Variants in TSPEAR observed in about 807,000 individuals in gnomAD.
TSPEAR encodes thrombospondin type laminin G domain and EAR repeats, also known as thrombospondin-type laminin G domain and EAR repeat-containing protein.
A neutral mutation model predicts 71.6 loss-of-function variants in TSPEAR; 69 were observed. That is an observed-to-expected ratio of 0.96 (90% confidence interval 0.79 to 1.18). TSPEAR has a LOEUF of 1.18. Ranked by LOEUF, TSPEAR falls within the 50% of genes most tolerant of loss-of-function variation. The pLI is 0.00. For synonymous variants in TSPEAR, 402 were observed against 387.2 expected (o/e 1.04, Z -0.45); for missense variants, 971 against 894.9 (o/e 1.09, Z -1.09).
At chr21:44,533,949 A>C in intron 2 of TSPEAR, 26 bp from the exon 3 acceptor site, 17 of 1,477,618 alleles carry the variant, frequency 1.2e-5, no homozygotes, top group Non-Finnish European at 1.5e-5. Context: ...CAGGCTCAGG[A>C]CGGGGCTGGG....
At chr21:44,526,644 T>G (rs1489350358) in intron 7 of TSPEAR, among the ~76,000 whole-genome samples, 1 of 152,250 alleles carries the variant, frequency 6.6e-6, no homozygotes, top group Non-Finnish European at 1.5e-5. Context: ...TGGGCCTCCT[T>G]GGCACATTGT....
rs1242941448 is a variant in TSPEAR at position 44,695,474 on chromosome 21, A to G, written c.82+15959T>C. Among the ~76,000 whole-genome samples the G allele has an allele frequency of 6.6e-6, 1 of 152,076 alleles. No homozygotes were observed. The highest frequency in any genetic ancestry group is 2.4e-5 in the African/African-American group (1 of 41,410). Reference sequence around the variant, plus strand: ...CCCTCCCTTGGGCCTCTCCCTGGCCATGCCCCAACCTGGCTCACACTCCCT... The same window carrying G: ...CCCTCCCTTGGGCCTCTCCCTGGCCGTGCCCCAACCTGGCTCACACTCCCT... On this transcript the variant is annotated intron_variant, in intron 1 of 11. Coordinates refer to ENST00000323084, the MANE Select transcript of TSPEAR (RefSeq NM_144991.3). This position sits in a 1 kb window ranked among gnomAD's most constrained non-coding sequence, Gnocchi z 4.5.
intron 9 of TSPEAR, chr21:44,518,345 G>T (rs1279370736): frequency 6.5e-6 from 3 of 461,406 alleles, no homozygotes; most frequent in Admixed American, 5.1e-5. Flanking sequence ...ACGCTCTGGG[G>T]CACTGGGGCA....
In TSPEAR at chr21:44,662,435, G is replaced by T. The variant is rs141482711; in HGVS notation, c.82+48998C>A. Among the ~76,000 whole-genome samples the T allele has an allele frequency of 2.6e-5, 4 of 152,246 alleles. No homozygotes were observed. In the East Asian group the frequency reaches 7.7e-4, roughly 29 times the overall value. ...TAAAGCATCAATTCACCATGGACAC[G>T]TAACAATTCTAAATGTGTAAGCACC... On this transcript the variant is annotated intron_variant, in intron 1 of 11. Coordinates refer to ENST00000323084, the MANE Select transcript of TSPEAR (RefSeq NM_144991.3).
Position 44,533,670 on chromosome 21 carries a change from C to A in TSPEAR, c.542+15G>T. 6.3e-7 allele frequency: 1 copy of A among 1,592,480 alleles called. No individual in the cohort carries two copies. The highest frequency in any genetic ancestry group is 1.1e-5 in the South Asian group (1 of 90,382). ...CTGAGGACTGCAGGTGCACCCTCCCCGGGTGGGTACCTACATGTCCACCGG... is the reference window on the plus strand; with the variant it reads ...CTGAGGACTGCAGGTGCACCCTCCCAGGGTGGGTACCTACATGTCCACCGG... On this transcript the variant is annotated intron_variant, in intron 3 of 11. Transcript: ENST00000323084.
At chr21:44,540,148 C>A (rs1555917053) in intron 2 of TSPEAR, 2 of 1,612,662 alleles carry the variant, frequency 1.2e-6, no homozygotes, top group Non-Finnish European at 1.7e-6. Flanking sequence ...TGGACGCGGC[C>A]ATGCTGGGGT....
chr21:44,602,711 C>T (rs1986717159), intron 1 of TSPEAR, among the ~76,000 whole-genome samples: 1 of 152,234 alleles, frequency 6.6e-6, no homozygotes, highest in Admixed American at 6.5e-5. Context: ...CATCACCGGG[C>T]AGGGCATCCC....
intron 1 of TSPEAR, among the ~76,000 whole-genome samples, chr21:44,599,134 T>TCTCTCTCTCTCTCTCTC (rs1980573681): frequency 3.4e-4 from 31 of 92,280 alleles, no homozygotes; most frequent in African/African-American, 7.9e-4. Context: ...GGCCCCCATT[T>TCTCTCTCTCTCTCTCTC]TCTCTCTCTC....
In TSPEAR at chr21:44,666,260, G is replaced by A. The variant is rs1414214180; in HGVS notation, c.82+45173C>T. ...GACTCTGGGACCCCAGACTTCCCTG[G>A]GGGGATGGGCAAGGTCAGCAAGGGC... On this transcript the variant is annotated intron_variant, in intron 1 of 11. Transcript: ENST00000323084. The A allele has an allele frequency of 4.1e-6, 3 of 724,638 alleles. No homozygotes were observed. The African/African-American group carries it at 5.3e-5, about 13-fold the overall frequency. The allele number at this position is 724,638 out of a possible 1,614,324, so 44.9% of individuals were successfully genotyped here.
chr21:44,545,417 C>T (rs140405697), intron 2 of TSPEAR, among the ~76,000 whole-genome samples: 134 of 152,118 alleles, frequency 8.8e-4, no homozygotes, highest in Admixed American at 4.8e-3. Context: ...ACAGGTCTAA[C>T]GTAGATGCAG....
intron 1 of TSPEAR, chr21:44,697,101 C>T: frequency 6.4e-7 from 1 of 1,551,886 alleles, no homozygotes; most frequent in Non-Finnish European, 8.7e-7. Flanking sequence ...CCATCCAGCA[C>T]CCAGACACTC....
At chr21:44,653,708 A>G (rs911165798) in intron 1 of TSPEAR, among the ~76,000 whole-genome samples, 1 of 152,202 alleles carries the variant, frequency 6.6e-6, no homozygotes, top group Non-Finnish European at 1.5e-5. Flanking sequence ...TTTGTCCTCA[A>G]TCTCACCCAG....
At chr21:44,587,886 A>C (rs1979444858) in intron 1 of TSPEAR, among the ~76,000 whole-genome samples, 1 of 152,252 alleles carries the variant, frequency 6.6e-6, no homozygotes, top group Non-Finnish European at 1.5e-5. Flanking sequence ...AAGATGGATC[A>C]AGGACTTAAA....
At chr21:44,541,327 C>T (rs1333448545) in intron 2 of TSPEAR, among the ~76,000 whole-genome samples, 1 of 152,226 alleles carries the variant, frequency 6.6e-6, no homozygotes, top group African/African-American at 2.4e-5. Context: ...CATTGTGCCA[C>T]CTTTTTCTTA....
At position 44,520,343 on chromosome 21, in the gene TSPEAR, C is replaced by T. The variant is rs1169386730; in HGVS notation, c.1566+1540G>A. On this transcript the variant is annotated intron_variant, in intron 9 of 11. Transcript: ENST00000323084. The surrounding 1 kb of genome is among the most constrained non-coding windows in gnomAD (Gnocchi z 4.2). ...CTCCCAACTTTCCCAGCCCTCACTT[C>T]CTCCTGGTGAGGGCTGGGAAAGTGG... 2.6e-5 allele frequency: 4 copies of T among 152,104 alleles called. No homozygotes were observed. The highest frequency in any genetic ancestry group is 5.9e-5 in the Non-Finnish European group (4 of 67,910). 9.4% of individuals were successfully genotyped at this position (152,104 alleles called of 1,614,324 possible).
intron 1 of TSPEAR, chr21:44,666,547 CG>C: frequency 6.2e-7 from 1 of 1,613,076 alleles, no homozygotes; most frequent in Non-Finnish European, 8.5e-7. Context: ...GCCGCATACA[CG>C]ACAGGCCTGC....
intron 2 of TSPEAR, chr21:44,551,328 G>A: frequency 1.9e-6 from 3 of 1,613,258 alleles, no homozygotes; most frequent in Non-Finnish European, 2.5e-6. Context: ...GCAGACCAGG[G>A]TCAGGCAGGG....
At chr21:44,630,160 G>A (rs1281647201) in intron 1 of TSPEAR, among the ~76,000 whole-genome samples, 1 of 152,206 alleles carries the variant, frequency 6.6e-6, no homozygotes, top group African/African-American at 2.4e-5. Context: ...GCATCCTGTG[G>A]TGGGCAGAGG....
intron 1 of TSPEAR, chr21:44,697,591 ATGCTGCCAGCAGTCTAGC>A (rs1555950899): frequency 6.2e-7 from 1 of 1,606,524 alleles, no homozygotes; most frequent in Non-Finnish European, 8.5e-7. Context: ...CTTCTTCTTC[ATGCTGCCAGCAGTCTAGC>A]TGCCAGCCAG....
Sources: gnomAD v4.1 joint callset for allele counts (sites outside exome capture counted in the v4.1 genomes callset) on GRCh38, gnomAD v4.1.1 for gene constraint, Gnocchi (gnomAD v3.1) non-coding constraint, MANE v1.5 for transcripts, NCBI Gene and HGNC (gene_info 2026-07-23, HGNC 2026-07-21) for gene names.